KCNQ3: variants seen among roughly 807,000 people sequenced by gnomAD.
The protein encoded by KCNQ3 is potassium voltage-gated channel subfamily Q member 3.
In KCNQ3, 30 loss-of-function variants were observed where a neutral mutation model predicts 92.5. That is an observed-to-expected ratio of 0.32 (90% CI 0.24 to 0.44). KCNQ3 has a LOEUF of 0.44. Among genes scored for constraint, KCNQ3 ranks in the 20% least tolerant of loss-of-function variants. The probability of loss-of-function intolerance (pLI) is 1.00; values close to 1 mark genes in which losing one functional copy is unlikely to be tolerated. For synonymous variants in KCNQ3, 450 were observed against 468.8 expected (o/e 0.96, Z 0.52); for missense variants, 913 against 1,140.3 (o/e 0.80, Z 2.87).
intron 1 of KCNQ3, among the ~76,000 whole-genome samples, chr8:132,429,361 G>C (rs907280656): frequency 5.3e-5 from 8 of 152,168 alleles, no homozygotes; most frequent in Non-Finnish European, 8.8e-5. Context: ...CTATATGACA[G>C]ATGATAAAAC....
At chr8:132,457,245 A>G (rs1180655468) in intron 1 of KCNQ3, among the ~76,000 whole-genome samples, 1 of 152,216 alleles carries the variant, frequency 6.6e-6, no homozygotes, top group Non-Finnish European at 1.5e-5. Context: ...TTCCTGCCCC[A>G]TGAGGAACAG....
chr8:132,464,444 G>A (rs1822127673), intron 1 of KCNQ3, among the ~76,000 whole-genome samples: 1 of 152,218 alleles, frequency 6.6e-6, no homozygotes. Flanking sequence ...TCAGGCTCTG[G>A]AATGCAGAGA....
At chr8:132,291,427 G>A (rs1816831277) in intron 1 of KCNQ3, among the ~76,000 whole-genome samples, 1 of 152,094 alleles carries the variant, frequency 6.6e-6, no homozygotes, top group Non-Finnish European at 1.5e-5. Context: ...TGTTCTCCAG[G>A]ACATTGCCGA....
intron 1 of KCNQ3, among the ~76,000 whole-genome samples, chr8:132,212,219 C>T (rs1326940864): frequency 6.6e-6 from 1 of 152,038 alleles, no homozygotes; most frequent in Non-Finnish European, 1.5e-5. Context: ...CTCACTTTTC[C>T]AACTCAAGAA....
intron 12 of KCNQ3, among the ~76,000 whole-genome samples, chr8:132,137,126 C>T (rs1825128424): frequency 6.6e-6 from 1 of 152,062 alleles, no homozygotes; most frequent in African/African-American, 2.4e-5. Context: ...CTGCCTTGGC[C>T]TCCCAAAGTG....
intron 1 of KCNQ3, among the ~76,000 whole-genome samples, chr8:132,408,964 G>T (rs1405069158): frequency 6.6e-6 from 1 of 152,190 alleles, no homozygotes; most frequent in Non-Finnish European, 1.5e-5. Flanking sequence ...AGACTCTTGA[G>T]TGGAGAACAC....
chr8:132,353,505 G>A (rs575646918), intron 1 of KCNQ3, among the ~76,000 whole-genome samples: 8 of 152,036 alleles, frequency 5.3e-5, no homozygotes, highest in East Asian at 1.9e-4. Flanking sequence ...AATCACTTAC[G>A]GTCTCATTTT....
At chr8:132,285,911 G>C (rs984262590) in intron 1 of KCNQ3, among the ~76,000 whole-genome samples, 1 of 152,162 alleles carries the variant, frequency 6.6e-6, no homozygotes, top group African/African-American at 2.4e-5. Context: ...GGTCACTCCA[G>C]TCAAAGTTCC....
At chr8:132,171,020 A>G (rs529974208) in intron 7 of KCNQ3, among the ~76,000 whole-genome samples, 1 of 151,996 alleles carries the variant, frequency 6.6e-6, no homozygotes, top group South Asian at 2.1e-4. Flanking sequence ...ACCCTGTCTC[A>G]AAAAAAAGTA....
intron 1 of KCNQ3, among the ~76,000 whole-genome samples, chr8:132,229,864 A>C (rs1046807013): frequency 6.6e-6 from 1 of 152,156 alleles, no homozygotes; most frequent in African/African-American, 2.4e-5. Flanking sequence ...GATTCTAATG[A>C]CATGCCACAA....
At chr8:132,469,742 C>A (rs1197510051) in intron 1 of KCNQ3, among the ~76,000 whole-genome samples, 1 of 151,990 alleles carries the variant, frequency 6.6e-6, no homozygotes, top group Non-Finnish European at 1.5e-5. Flanking sequence ...GGATCACAAC[C>A]AAGTTTCATT....
chr8:132,423,830 G>C (rs1438823125), intron 1 of KCNQ3, among the ~76,000 whole-genome samples: 1 of 152,160 alleles, frequency 6.6e-6, no homozygotes, highest in Non-Finnish European at 1.5e-5. Flanking sequence ...CCACCATACA[G>C]TATGGAGACC....
At position 132,123,103 on chromosome 8, in the gene KCNQ3, A is replaced by G. The variant is rs1764489321; in HGVS notation, c.*6159T>C. On this transcript the variant is annotated 3_prime_UTR_variant, in exon 15 of 15. Coordinates refer to ENST00000388996, the MANE Select transcript of KCNQ3 (RefSeq NM_004519.4). ...TTGGGTCATATAGATCCCAAAAGAA[A>G]TCATGCCTGACTTCCTAAAATCAAA... 6.6e-6 allele frequency: 1 copy of G among 152,216 alleles called. No individual in the cohort carries two copies. The highest frequency in any genetic ancestry group is 2.4e-5 in the African/African-American group (1 of 41,454). The allele number at this position is 152,216 out of a possible 1,614,324, so 9.4% of individuals were successfully genotyped here.
At chr8:132,343,425 C>T (rs529747094) in intron 1 of KCNQ3, among the ~76,000 whole-genome samples, 108 of 152,258 alleles carry the variant, frequency 7.1e-4, no homozygotes, top group African/African-American at 2.5e-3. Context: ...GTCCCAAGCA[C>T]CAAGCTGGGG....
chr8:132,456,691 A>G (rs1821950025), intron 1 of KCNQ3, among the ~76,000 whole-genome samples: 1 of 151,852 alleles, frequency 6.6e-6, no homozygotes, highest in African/African-American at 2.4e-5. Context: ...GCTCACTGCA[A>G]AACTCCACCT....
chr8:132,388,613 A>G (rs189594807), intron 1 of KCNQ3, among the ~76,000 whole-genome samples: 9 of 152,100 alleles, frequency 5.9e-5, no homozygotes, highest in Admixed American at 3.9e-4. Flanking sequence ...TTACAAAAAG[A>G]AAAAAAAGAT....
intron 1 of KCNQ3, among the ~76,000 whole-genome samples, chr8:132,377,809 A>G (rs1364220671): frequency 2.6e-5 from 4 of 152,214 alleles, no homozygotes; most frequent in Admixed American, 2.6e-4. Context: ...TCCATAAAAT[A>G]GGTATAACAA....
At chr8:132,251,480 C>T (rs4736564) in intron 1 of KCNQ3, among the ~76,000 whole-genome samples, 81,315 of 152,028 alleles carry the variant, frequency 0.53, 23,937 homozygotes, top group East Asian at 0.81. Flanking sequence ...TGAATGGTTA[C>T]GGTTTTACTG....
At chr8:132,230,119 G>A (rs888052860) in intron 1 of KCNQ3, among the ~76,000 whole-genome samples, 2 of 152,048 alleles carry the variant, frequency 1.3e-5, no homozygotes, top group Admixed American at 1.3e-4. Flanking sequence ...GTTTTCAGAT[G>A]ACAGCACCAA....
Sources: allele counts gnomAD v4.1 joint callset (sites outside exome capture counted in the v4.1 genomes callset), GRCh38; gene constraint gnomAD v4.1.1; transcripts MANE v1.5; gene names NCBI Gene and HGNC (gene_info 2026-07-23, HGNC 2026-07-21).